Variants in CRISPLD1 observed in about 807,000 individuals in gnomAD.
CRISPLD1 encodes the protein cysteine rich secretory protein LCCL domain containing 1.
Under a neutral mutation model 77.5 loss-of-function variants are expected in CRISPLD1, and 60 were observed. The observed-to-expected ratio is 0.77, with a 90% confidence interval of 0.63 to 0.96. CRISPLD1 has a LOEUF of 0.96. CRISPLD1 is among the 40% of genes least tolerant of loss of function. CRISPLD1 has a pLI of 0.00. For missense variants in CRISPLD1, 623 were observed against 615.8 expected (o/e 1.01, Z -0.12); for synonymous variants, 195 against 200.1 (o/e 0.97, Z 0.22).
intron 2 of CRISPLD1, among the ~76,000 whole-genome samples, chr8:75,004,328 T>G (rs574712030): frequency 3.3e-5 from 5 of 152,330 alleles, no homozygotes; most frequent in African/African-American, 1.2e-4. Flanking sequence ...TTGTAAGGAA[T>G]GCAATACAGC....
intron 12 of CRISPLD1, among the ~76,000 whole-genome samples, chr8:75,022,294 G>A (rs1158549817): frequency 6.6e-6 from 1 of 151,688 alleles, no homozygotes; most frequent in African/African-American, 2.4e-5. Flanking sequence ...TGTAAAATTT[G>A]TAATAGTTTT....
At chr8:74,992,991 A>G in intron 2 of CRISPLD1, among the ~76,000 whole-genome samples, 1 of 151,122 alleles carries the variant, frequency 6.6e-6, no homozygotes, top group Admixed American at 6.6e-5. Context: ...AGTTTGTTGA[A>G]CAGGGTGATG....
At chr8:75,002,209 CTTAT>C (rs1469459244) in intron 2 of CRISPLD1, among the ~76,000 whole-genome samples, 1 of 151,716 alleles carries the variant, frequency 6.6e-6, no homozygotes, top group African/African-American at 2.4e-5. Flanking sequence ...CAGTGATTAT[CTTAT>C]TTTTCAGTCA....
At chr8:74,988,289 C>T in intron 2 of CRISPLD1, among the ~76,000 whole-genome samples, 1 of 152,122 alleles carries the variant, frequency 6.6e-6, no homozygotes, top group South Asian at 2.1e-4. Flanking sequence ...TCTGAGAAAA[C>T]AAACCTTTAA....
chr8:75,013,478 A>G (rs1390655682), intron 4 of CRISPLD1, among the ~76,000 whole-genome samples: 1 of 152,172 alleles, frequency 6.6e-6, no homozygotes, highest in African/African-American at 2.4e-5. Context: ...ACTGCTGATC[A>G]GACTTATTAT....
intron 6 of CRISPLD1, among the ~76,000 whole-genome samples, chr8:75,015,345 T>G (rs1213880291): frequency 1.3e-5 from 2 of 152,174 alleles, no homozygotes; most frequent in Admixed American, 1.3e-4. Context: ...CAATGAATTA[T>G]GTTGATTTTT....
intron 2 of CRISPLD1, among the ~76,000 whole-genome samples, chr8:75,006,165 A>G (rs1812827559): frequency 6.6e-6 from 1 of 152,126 alleles, no homozygotes; most frequent in African/African-American, 2.4e-5. Flanking sequence ...TATAAGTGAG[A>G]GCATGCAGTA....
At position 75,014,055 on chromosome 8, in the gene CRISPLD1, G is replaced by A; in HGVS notation, c.579G>A (p.Gly193=). The change falls in exon 5 of 15, where the codon GGG becomes GGA. Residue 193 remains glycine, a synonymous_variant. Coordinates refer to ENST00000262207, the MANE Select transcript of CRISPLD1 (RefSeq NM_031461.6). ...INLCHNMNIW[G]QIWPKAVYLV... The stretch of plus-strand genomic sequence containing the variant: ...TGTGTCATAACATGAACATCTGGGG[G>A]CAGATATGGCCCAAAGCTGTCTACC... 4 of 1,613,142 alleles carry A rather than the reference G, an allele frequency of 2.5e-6. No individual in the cohort carries two copies. The highest frequency in any genetic ancestry group is 3.4e-6 in the Non-Finnish European group (4 of 1,179,396).
At chr8:74,991,112 C>A (rs72669296) in intron 2 of CRISPLD1, among the ~76,000 whole-genome samples, 21,230 of 151,926 alleles carry the variant, frequency 0.14, 1,754 homozygotes, top group African/African-American at 0.24. Context: ...CCTGCCTTAG[C>A]CTCCCAAGTA....
At chr8:75,007,821 G>C (rs528588076) in intron 2 of CRISPLD1, among the ~76,000 whole-genome samples, 2 of 151,598 alleles carry the variant, frequency 1.3e-5, no homozygotes, top group African/African-American at 4.8e-5. Context: ...CTACAGGCAC[G>C]TGACACCGTA....
At chr8:75,008,584 A>G (rs1294406750) in intron 2 of CRISPLD1, among the ~76,000 whole-genome samples, 1 of 152,172 alleles carries the variant, frequency 6.6e-6, no homozygotes, top group Admixed American at 6.5e-5. Context: ...TTCTGTGAAT[A>G]GATAATTACT....
Position 75,017,463 on chromosome 8 carries a change from A to T in CRISPLD1, c.1127+13A>T. The T allele has an allele frequency of 6.3e-7, 1 of 1,586,988 alleles. No homozygotes were observed. The highest frequency in any genetic ancestry group is 8.5e-7 in the Non-Finnish European group (1 of 1,170,776). ...TTCAAACAATTGGGTAAGTACCAAA[A>T]TAATCTTTTGGACCAGATAATTTTA... is the stretch of plus-strand genomic sequence containing the variant. On this transcript the variant is annotated intron_variant, in intron 10 of 14. Coordinates refer to ENST00000262207, the MANE Select transcript of CRISPLD1 (RefSeq NM_031461.6).
In CRISPLD1 at chr8:75,012,914, A is replaced by C. The variant is rs757617652; in HGVS notation, c.402A>C (p.Val134=). The C allele has an allele frequency of 6.2e-7, 1 of 1,612,588 alleles. No individual in the cohort carries two copies. The highest frequency in any genetic ancestry group is 1.1e-5 in the South Asian group (1 of 90,910). The change falls in exon 4 of 15, where the codon GTA becomes GTC. Residue 134 remains valine (V), a synonymous_variant. Transcript: ENST00000262207. ...WGRYRPPTFH[V]QSWYDEVKDF... ...GATATAGGCCCCCGACGTTTCATGT[A>C]CAATCGTGGTATGATGAAGTGAAAG...
At chr8:75,000,488 T>A (rs1812721908) in intron 2 of CRISPLD1, 1 of 934,102 alleles carries the variant, frequency 1.1e-6, no homozygotes, top group African/African-American at 1.8e-5. Context: ...GCCTTGAGAT[T>A]TTTGATGCTG....
At position 75,014,913 on chromosome 8, in the gene CRISPLD1, GT is replaced by G; in HGVS notation, c.727+2del. 1 of 1,558,278 alleles carries G rather than the reference GT, an allele frequency of 6.4e-7. No individual in the cohort carries two copies. Among genetic ancestry groups the G allele is most frequent in the Admixed American group, 2.1e-5 (1 of 47,742 alleles). Reference sequence around the variant, plus strand: ...TGTAGAGAAAATCTGTGCTACAAAGGTAAGTGCTATTGTGTTGTGGTATTCA... The same window carrying G: ...TGTAGAGAAAATCTGTGCTACAAAGGAAGTGCTATTGTGTTGTGGTATTCA... On this transcript the variant is annotated splice_donor_variant, in intron 6 of 14. Coordinates refer to ENST00000262207, the MANE Select transcript of CRISPLD1 (RefSeq NM_031461.6). LOFTEE classifies it high-confidence loss of function.
rs757928709 is a variant in CRISPLD1 at position 75,017,321 on chromosome 8, A to C, written c.998A>C (p.Gln333Pro). Residue 333 changes from glutamine (Q) to proline (P), a missense_variant and splice_region_variant, in exon 10 of 15, where the codon CAA becomes CCA. By Grantham distance (76) the Gln-to-Pro change is moderately conservative (BLOSUM62 -1). Transcript: ENST00000262207. ...TTTTATCTCCTCCTTTTTTCCAAGC[A>C]ATCCAGCATCTGTAGAGCTGCAATT... ...KVIGSVHYEMQSSICRAAIHY... is the reference protein window; with the variant it reads ...KVIGSVHYEMPSSICRAAIHY... 6.2e-7 allele frequency: 1 copy of C among 1,607,310 alleles called. No homozygotes were observed. The highest frequency in any genetic ancestry group is 1.7e-5 in the Admixed American group (1 of 58,192).
chr8:74,991,011 G>A (rs1467992665), intron 2 of CRISPLD1, among the ~76,000 whole-genome samples: 2 of 144,094 alleles, frequency 1.4e-5, no homozygotes, highest in South Asian at 2.2e-4. Context: ...TTTTTTTTTC[G>A]AGATGGAATC....
rs569156185 is a variant in CRISPLD1, at chr8:75,033,442, C to T, written c.*1200C>T. ...ATACAATACCAGATGTCTACAAAAT[C>T]GACCTGATTATTTAGGTATTTGTAT... is the stretch of plus-strand genomic sequence containing the variant. On this transcript the variant is annotated 3_prime_UTR_variant, in exon 15 of 15. Coordinates refer to ENST00000262207, the MANE Select transcript of CRISPLD1 (RefSeq NM_031461.6). 1.1e-4 allele frequency: 17 copies of T among 151,692 alleles called. No homozygotes were observed. The highest frequency in any genetic ancestry group is 4.1e-4 in the African/African-American group (17 of 41,300). The allele number at this position is 151,692 out of a possible 1,614,324, so 9.4% of individuals were successfully genotyped here.
chr8:75,026,069 G>C (rs7011860), intron 13 of CRISPLD1, among the ~76,000 whole-genome samples: 3,044 of 146,364 alleles, frequency 0.021, 50 homozygotes, highest in Middle Eastern at 0.049. Flanking sequence ...ACTAGTTGAG[G>C]GGATGTTGTA....
Sources: gnomAD v4.1 joint callset for allele counts (sites outside exome capture counted in the v4.1 genomes callset) on GRCh38, gnomAD v4.1.1 for gene constraint, MANE v1.5 for transcripts, NCBI Gene and HGNC (gene_info 2026-07-23, HGNC 2026-07-21) for gene names.